Variants in TNFAIP8 observed in about 807,000 individuals in gnomAD.
The protein encoded by TNFAIP8 is TNF alpha induced protein 8.
In TNFAIP8, 7 loss-of-function variants were observed where a neutral mutation model predicts 13.3. The ratio of observed to expected loss-of-function variants is 0.52; its 90% CI spans 0.30 to 0.99. TNFAIP8 has a LOEUF of 0.99. Among genes scored for constraint, TNFAIP8 ranks in the 50% least tolerant of loss-of-function variants. TNFAIP8 has a pLI of 0.07. For missense variants in TNFAIP8, 258 were observed against 236.9 expected (o/e 1.09, Z -0.58); for synonymous variants, 94 against 87.6 (o/e 1.07, Z -0.41).
Position 119,397,731 on chromosome 5 carries a change from T to C in TNFAIP8, c.*4350T>C, listed in dbSNP as rs1753107941. 1 of 152,234 alleles carries C rather than the reference T, an allele frequency of 6.6e-6. No homozygotes were observed. Among genetic ancestry groups the C allele is most frequent in the African/African-American group, 2.4e-5 (1 of 41,472 alleles). The allele number at this position is 152,234 out of a possible 1,614,324, so 9.4% of individuals were successfully genotyped here. A position where few individuals can be genotyped will look rare whatever the true frequency, so the allele number is the denominator to read the frequency against. On this transcript the variant is annotated 3_prime_UTR_variant, in exon 2 of 2. Coordinates refer to ENST00000504771, the MANE Select transcript of TNFAIP8 (RefSeq NM_014350.4). ...TCCAAAATGATGCAACAGGAAAACC[T>C]TTAACTACTTATAATCCCGTATAGT... is the stretch of plus-strand genomic sequence containing the variant.
At chr5:119,309,372 G>A (rs1749661579) in intron 1 of TNFAIP8, among the ~76,000 whole-genome samples, 1 of 152,142 alleles carries the variant, frequency 6.6e-6, no homozygotes, top group Non-Finnish European at 1.5e-5. Flanking sequence ...AAGTGTTCCT[G>A]ACTAGATTTC....
chr5:119,269,530 A>G (rs774646869), intron 1 of TNFAIP8, among the ~76,000 whole-genome samples: 1 of 152,202 alleles, frequency 6.6e-6, no homozygotes, highest in African/African-American at 2.4e-5. Flanking sequence ...ATGAGCGCCC[A>G]GGCTCCACGG....
chr5:119,291,600 G>C (rs1748986706), intron 1 of TNFAIP8, among the ~76,000 whole-genome samples: 1 of 152,244 alleles, frequency 6.6e-6, no homozygotes, highest in Non-Finnish European at 1.5e-5. Context: ...ACGGAGTGCA[G>C]GAAGGGCTGC....
chr5:119,396,885 T>A lies in TNFAIP8; in HGVS notation c.*3504T>A, dbSNP rs1033337615. 3 of 150,852 alleles carry A rather than the reference T, an allele frequency of 2.0e-5. No individual in the cohort carries two copies. Among genetic ancestry groups the A allele is most frequent in the African/African-American group, 7.3e-5 (3 of 40,860 alleles). 9.3% of individuals were successfully genotyped at this position (150,852 alleles called of 1,614,324 possible). On this transcript the variant is annotated 3_prime_UTR_variant, in exon 2 of 2. Transcript: ENST00000504771. ...GGCAGGCACCTGTAATCCCAGCTAC[T>A]TGGGAGGCTAAGGCAGGAGAATCGC...
chr5:119,335,387 C>T (rs1163197891), intron 1 of TNFAIP8, among the ~76,000 whole-genome samples: 1 of 152,128 alleles, frequency 6.6e-6, no homozygotes, highest in East Asian at 1.9e-4. Context: ...GCTGAGAATG[C>T]TGGGTGTAAA....
At chr5:119,327,634 T>C (rs1750261268) in intron 1 of TNFAIP8, among the ~76,000 whole-genome samples, 1 of 152,220 alleles carries the variant, frequency 6.6e-6, no homozygotes, top group African/African-American at 2.4e-5. Flanking sequence ...AATTTTTGTA[T>C]TTTTAGTAGA....
At position 119,348,920 on chromosome 5, in the gene TNFAIP8, T is replaced by A. The variant is rs896898576; in HGVS notation, c.2-43896T>A. ...AAAAAAAAAAAAAGAATAGACAACA[T>A]CTAAGGTTTCTTTCAAGCCTGAGTT... is the stretch of plus-strand genomic sequence containing the variant. On this transcript the variant is annotated intron_variant, in intron 1 of 1. Transcript: ENST00000274456. 5.6e-5 allele frequency among the ~76,000 whole-genome samples: 8 copies of A among 143,980 alleles called. No homozygotes were observed. The East Asian group carries it at 1.9e-3, about 33-fold the overall frequency. The allele number at this position is 143,980 out of a possible 152,430, so 94.5% of individuals were successfully genotyped here. A position where few individuals can be genotyped will look rare whatever the true frequency, so the allele number is the denominator to read the frequency against.
chr5:119,295,232 CCTATAGGTCTAACGTTTAGTCTAACG>C (rs1749136703), intron 1 of TNFAIP8, among the ~76,000 whole-genome samples: 1 of 46,754 alleles, frequency 2.1e-5, no homozygotes, highest in African/African-American at 3.0e-4. Flanking sequence ...TAACGTTAGA[CCTATAGGTCTAACGTTTAGTCTAACG>C]TTAGACCTAT....
intron 1 of TNFAIP8, among the ~76,000 whole-genome samples, chr5:119,338,254 G>C (rs1449078721): frequency 4.0e-5 from 6 of 149,026 alleles, no homozygotes; most frequent in African/African-American, 1.5e-4. Context: ...TGTCCTTTTT[G>C]CTCCTGTCAG....
At chr5:119,316,875 G>A (rs1468033697) in intron 1 of TNFAIP8, among the ~76,000 whole-genome samples, 2 of 152,154 alleles carry the variant, frequency 1.3e-5, no homozygotes, top group African/African-American at 4.8e-5. Flanking sequence ...TTTGCTGCTG[G>A]TATCTAGTGG....
intron 1 of TNFAIP8, among the ~76,000 whole-genome samples, chr5:119,283,980 G>A (rs947730559): frequency 6.6e-6 from 1 of 152,186 alleles, no homozygotes; most frequent in African/African-American, 2.4e-5. Context: ...TTTTGCCTCT[G>A]GTTAGCCCAT....
At chr5:119,382,080 T>A (rs1016092945) in intron 1 of TNFAIP8, among the ~76,000 whole-genome samples, 4 of 152,308 alleles carry the variant, frequency 2.6e-5, no homozygotes, top group Middle Eastern at 6.8e-3. Context: ...ATGAACAAAA[T>A]TTTTTAATTC....
At chr5:119,313,828 T>A (rs1266928793) in intron 1 of TNFAIP8, among the ~76,000 whole-genome samples, 1 of 152,276 alleles carries the variant, frequency 6.6e-6, no homozygotes, top group Non-Finnish European at 1.5e-5. Flanking sequence ...TGAAACATTT[T>A]GCATCTCACT....
chr5:119,328,260 A>G (rs896335575), intron 1 of TNFAIP8, among the ~76,000 whole-genome samples: 2 of 151,392 alleles, frequency 1.3e-5, no homozygotes, highest in Non-Finnish European at 3.0e-5. Context: ...TCCAAGAGAC[A>G]ACTCGGCCTC....
chr5:119,391,248 G>A (rs931355952), intron 1 of TNFAIP8: 24 of 602,088 alleles, frequency 4.0e-5, no homozygotes, highest in African/African-American at 3.5e-4. Flanking sequence ...AATGATGCTA[G>A]CCTATCCAAA....
intron 1 of TNFAIP8, among the ~76,000 whole-genome samples, chr5:119,360,449 C>T (rs1300345267): frequency 6.6e-6 from 1 of 152,056 alleles, no homozygotes; most frequent in Non-Finnish European, 1.5e-5. Context: ...AAAACAAAAC[C>T]AAATGATATG....
At chr5:119,377,877 G>A (rs1481787340) in intron 1 of TNFAIP8, among the ~76,000 whole-genome samples, 1 of 152,106 alleles carries the variant, frequency 6.6e-6, no homozygotes, top group African/African-American at 2.4e-5. Context: ...ATTTATTTCT[G>A]TAAGGCAGTG....
intron 1 of TNFAIP8, chr5:119,333,550 A>G (rs1238309185): frequency 2.0e-6 from 3 of 1,534,510 alleles, no homozygotes; most frequent in South Asian, 1.2e-5. Flanking sequence ...GGTTGCATGC[A>G]TTCCTCAAGT....
chr5:119,269,917 A>G (rs1435607617), intron 1 of TNFAIP8, among the ~76,000 whole-genome samples: 1 of 152,216 alleles, frequency 6.6e-6, no homozygotes, highest in Non-Finnish European at 1.5e-5. Flanking sequence ...TTCATCTATA[A>G]AATGATTGCC....
Sources: gnomAD v4.1 joint callset for allele counts (sites outside exome capture counted in the v4.1 genomes callset) on GRCh38, gnomAD v4.1.1 for gene constraint, MANE v1.5 for transcripts, NCBI Gene and HGNC (gene_info 2026-07-23, HGNC 2026-07-21) for gene names.